The following GBP1 variants were observed in gnomAD, a reference collection of about 807,000 sequenced individuals.
The protein encoded by GBP1 is guanylate binding protein 1.
GBP1 carries 64 observed loss-of-function variants against 69.5 expected under a neutral mutation model. That is an observed-to-expected ratio of 0.92 (90% CI 0.75 to 1.13). The LOEUF is 1.13. Among genes scored for constraint, GBP1 ranks in the 50% most tolerant of loss-of-function variants. GBP1 has a pLI of 0.00. For synonymous variants in GBP1, 250 were observed against 261.2 expected, an observed-to-expected ratio of 0.96 and a Z score of 0.41; for missense variants, 630 against 704.1, an observed-to-expected ratio of 0.89 and a Z score of 1.19.
chr1:89,057,849 T>C (rs1450388155), intron 6 of GBP1, 143 bp downstream of exon 6: 6 of 957,346 alleles, frequency 6.3e-6, no homozygotes, highest in East Asian at 2.5e-5. Context: ...ACTAACAATA[T>C]ATGTTAGAAA....
Position 89,058,134 on chromosome 1 carries a change from G to T in GBP1, c.732C>A (p.Arg244=). 1 of 1,614,182 alleles carries T rather than the reference G, an allele frequency of 6.2e-7. No individual in the cohort carries two copies. Among genetic ancestry groups the T allele is most frequent in the Non-Finnish European group, 8.5e-7 (1 of 1,180,008 alleles). The part of the protein sequence containing the change: ...KCFVFDRPVH[R]RKLAQLEKLQ... The stretch of plus-strand genomic sequence containing the variant: ...GTTTCTCGAGCTGGGCAAGCTTCCT[G>T]CGGTGAACGGGCCGATCAAAGACAA... The change falls in exon 6 of 11, where the codon CGC becomes CGA. Residue 244 remains arginine, a synonymous_variant. Coordinates refer to ENST00000370473, the MANE Select transcript of GBP1 (RefSeq NM_002053.3).
At chr1:89,062,300 T>C (rs1170425886) in intron 2 of GBP1, among the ~76,000 whole-genome samples, 1 of 152,174 alleles carries the variant, frequency 6.6e-6, no homozygotes, top group Non-Finnish European at 1.5e-5. Context: ...AACAAATTAG[T>C]ATACACGTAC....
chr1:89,063,899 T>C (rs1484690535), intron 1 of GBP1, among the ~76,000 whole-genome samples: 1 of 152,118 alleles, frequency 6.6e-6, no homozygotes, highest in Non-Finnish European at 1.5e-5. Flanking sequence ...CTAAGGGTCA[T>C]GTCCAAGAGA....
At position 89,053,342 on chromosome 1, in the gene GBP1, A is replaced by C. The variant is rs375443619; in HGVS notation, c.*13T>G. 6.2e-7 allele frequency: 1 copy of C among 1,601,142 alleles called. No individual in the cohort carries two copies. Among genetic ancestry groups the C allele is most frequent in the South Asian group, 1.1e-5 (1 of 89,098 alleles). ...TTATGCCTTGGTTAGGGGTGACAGG[A>C]AGGCTCTGGTCTTTAGCTTATGGTA... On this transcript the variant is annotated 3_prime_UTR_variant, in exon 11 of 11. Transcript: ENST00000370473.
Position 89,054,975 on chromosome 1 carries a change from C to T in GBP1, c.1472-100G>A, listed in dbSNP as rs55880826. 404,315 of 1,441,746 alleles carry T rather than the reference C, an allele frequency of 0.28. 58,738 individuals carry two copies. Among genetic ancestry groups the T allele is most frequent in the Non-Finnish European group, 0.3 (308,412 of 1,043,336 alleles). The allele number at this position is 1,441,746 out of a possible 1,614,324, so 89.3% of individuals were successfully genotyped here. A position where few individuals can be genotyped will look rare whatever the true frequency, so the allele number is the denominator to read the frequency against. ...GTCGTTGTTGCTGACTGCATATGCC[C>T]TACTCAGAGATGACCTCGGCAAGTA... On this transcript the variant is annotated intron_variant, in intron 9 of 10. Coordinates refer to ENST00000370473, the MANE Select transcript of GBP1 (RefSeq NM_002053.3).
chr1:89,058,856 G>A lies in GBP1; in HGVS notation c.616C>T (p.Leu206=). 6.2e-7 allele frequency: 1 copy of A among 1,614,168 alleles called. No individual in the cohort carries two copies. The highest frequency in any genetic ancestry group is 8.5e-7 in the Non-Finnish European group (1 of 1,180,010). The part of the protein sequence containing the change: ...LTPDEYLTYS[L]KLKKGTSQKD... ...TCTCTGTTACCTTTCTTCAGCTTCA[G>A]GGAGTATGTCAGGTACTCATCTGGT... Residue 206 remains leucine (L), a synonymous_variant, in exon 5 of 11, where the codon CTG becomes TTG. Coordinates refer to ENST00000370473, the MANE Select transcript of GBP1 (RefSeq NM_002053.3).
In GBP1 at chr1:89,057,092, C is replaced by G; in HGVS notation, c.917G>C (p.Ser306Thr). 1 of 1,614,276 alleles carries G rather than the reference C, an allele frequency of 6.2e-7. No homozygotes were observed. The stretch of plus-strand genomic sequence containing the variant: ...GTTCTCCATGCACGGCAGATCCCCA[C>G]TGCTGATGGCATTGACGTAGGTCAG... ...LVLTYVNAISSGDLPCMENAV... is the reference protein window; with the variant it reads ...LVLTYVNAISTGDLPCMENAV... Residue 306 changes from serine (S) to threonine (T), a missense_variant, in exon 7 of 11, where the codon AGT becomes ACT. This residue lies in a region of GBP1 where 367 missense variants were observed against 369.5 expected (regional missense o/e 0.99). Coordinates refer to ENST00000370473, the MANE Select transcript of GBP1 (RefSeq NM_002053.3).
Position 89,056,040 on chromosome 1 carries a change from A to C in GBP1, c.1344T>G (p.Tyr448Ter). 1 of 1,613,954 alleles carries C rather than the reference A, an allele frequency of 6.2e-7. No individual in the cohort carries two copies. The highest frequency in any genetic ancestry group is 1.1e-5 in the South Asian group (1 of 91,072). Residue 448 changes from tyrosine (Y) to a stop codon, truncating the protein, a stop_gained, in exon 8 of 11, where the codon TAT (tyrosine) becomes TAG (stop). Transcript: ENST00000370473. LOFTEE classifies it high-confidence loss of function. ...CCTGTATCCCCTTCCTCGGTTCCTCATAGTACTTTTTCTTCAGGTCTTGTA... is the reference window on the plus strand; with the variant it reads ...CCTGTATCCCCTTCCTCGGTTCCTCCTAGTACTTTTTCTTCAGGTCTTGTA... ...QKLQDLKKKY[Y>*]EEPRKGIQAE... is the part of the protein sequence containing the mutation.
Position 89,054,714 on chromosome 1 carries a change from C to G in GBP1, c.1633G>C (p.Glu545Gln). The change falls in exon 10 of 11, where the codon GAG becomes CAG. Residue 545 changes from glutamate to glutamine, a missense_variant. Physicochemically the swap from Glu to Gln is conservative, Grantham distance 29. This residue lies in a region of GBP1 where 71 missense variants were observed against 72.7 expected (regional missense o/e 0.98). Transcript: ENST00000370473. ...TTAAGAGCGAGGGTCCTCTCTTGCT[C>G]TTTCAGCAACTGGACCCTGTCGTTC... ...MENDRVQLLK[E>Q]QERTLALKLQ... is the part of the protein sequence containing the mutation. The G allele has an allele frequency of 6.2e-7, 1 of 1,614,212 alleles. No homozygotes were observed. The highest frequency in any genetic ancestry group is 8.5e-7 in the Non-Finnish European group (1 of 1,180,022).
In GBP1 at chr1:89,052,457, A is replaced by T. The variant is rs1410767260; in HGVS notation, c.*898T>A. 6.6e-6 allele frequency: 1 copy of T among 152,208 alleles called. No individual in the cohort carries two copies. Among genetic ancestry groups the T allele is most frequent in the African/African-American group, 2.4e-5 (1 of 41,460 alleles). 9.4% of individuals were successfully genotyped at this position (152,208 alleles called of 1,614,324 possible). A position where few individuals can be genotyped will look rare whatever the true frequency, so the allele number is the denominator to read the frequency against. ...AAATGAGTCAAAAATGTCAAAAAAA[A>T]TCCCATATTCTCTTCTGGGGAAACT... is the stretch of plus-strand genomic sequence containing the variant. On this transcript the variant is annotated 3_prime_UTR_variant, in exon 11 of 11. Transcript: ENST00000370473.
At position 89,058,862 on chromosome 1, in the gene GBP1, A is replaced by C. The variant is rs768500764; in HGVS notation, c.610T>G (p.Tyr204Asp). ...TTACCTTTCTTCAGCTTCAGGGAGT[A>C]TGTCAGGTACTCATCTGGTGTGAGG... is the stretch of plus-strand genomic sequence containing the variant. ...QPLTPDEYLT[Y>D]SLKLKKGTSQ... Residue 204 changes from tyrosine (Y) to aspartate (D), a missense_variant, in exon 5 of 11, where the codon TAC becomes GAC. This residue lies in a region of GBP1 where 367 missense variants were observed against 369.5 expected (regional missense o/e 0.99). Transcript: ENST00000370473. 1 of 1,614,188 alleles carries C rather than the reference A, an allele frequency of 6.2e-7. No homozygotes were observed. Among genetic ancestry groups the C allele is most frequent in the East Asian group, 2.2e-5 (1 of 44,886 alleles).
rs140621329 is a variant in GBP1 at position 89,058,912 on chromosome 1, A to C, written c.560T>G (p.Leu187Arg). The change falls in exon 5 of 11, where the codon CTG (leucine) becomes CGG (arginine). Residue 187 changes from leucine (L) to arginine (R), a missense_variant. Physicochemically the swap from Leu to Arg is moderately radical, Grantham distance 102. This residue lies in a region of GBP1 where 367 missense variants were observed against 369.5 expected (regional missense o/e 0.99). Transcript: ENST00000370473. ...DFVWTLRDFSLDLEADGQPLT... is the reference protein window; with the variant it reads ...DFVWTLRDFSRDLEADGQPLT... ...GGGTTGTCCATCTGCTTCCAAGTCC[A>C]GGGAGAAATCTCTCAGTGTCCACAC... 3 of 1,614,214 alleles carry C rather than the reference A, an allele frequency of 1.9e-6. No homozygotes were observed.
intron 2 of GBP1, chr1:89,062,652 TACA>T (rs1036070659): frequency 1.2e-5 from 2 of 167,272 alleles, no homozygotes; most frequent in African/African-American, 2.4e-5. Context: ...TTATTTTTTT[TACA>T]ACAACAAAAA....
In GBP1 at chr1:89,058,148, G is replaced by A. The variant is rs780304600; in HGVS notation, c.718C>T (p.Arg240Trp). 24 of 1,613,868 alleles carry A rather than the reference G, an allele frequency of 1.5e-5. No individual in the cohort carries two copies. The highest frequency in any genetic ancestry group is 7.7e-5 in the South Asian group (7 of 91,074). Residue 240 changes from arginine (R) to tryptophan (W), a missense_variant, in exon 6 of 11, where the codon CGG becomes TGG. Arg to Trp is a moderately radical substitution (Grantham distance 101, BLOSUM62 -3). Transcript: ENST00000370473. ...GCAAGCTTCCTGCGGTGAACGGGCC[G>A]ATCAAAGACAAAGCATTTTTTCTTT... The part of the protein sequence containing the change: ...FPKKKCFVFD[R>W]PVHRRKLAQL...
At chr1:89,058,270 A>G (rs1250485934) in intron 5 of GBP1, 36 bp from the exon 6 acceptor site, 2 of 1,528,232 alleles carry the variant, frequency 1.3e-6, no homozygotes, top group African/African-American at 2.8e-5. Flanking sequence ...AAATTGCCTA[A>G]TATAAGTGTT....
chr1:89,055,140 G>T lies in GBP1; in HGVS notation c.1444C>A (p.Leu482Ile), dbSNP rs1202767669. 2 of 1,609,532 alleles carry T rather than the reference G, an allele frequency of 1.2e-6. No individual in the cohort carries two copies. Among genetic ancestry groups the T allele is most frequent in the African/African-American group, 2.7e-5 (2 of 74,494 alleles). Residue 482 changes from leucine (L) to isoleucine (I), a missense_variant, in exon 9 of 11, where the codon CTC becomes ATC. Around this residue, in one of 5 missense-constraint regions of GBP1, gnomAD observed 35 missense variants for 68.6 expected, o/e 0.51. Coordinates refer to ENST00000370473, the MANE Select transcript of GBP1 (RefSeq NM_002053.3). ...TDAILQTDQTLTEKEKEIEVE... is the reference protein window; with the variant it reads ...TDAILQTDQTITEKEKEIEVE... ...TCAATCTCCTTTTCTTTTTCTGTGA[G>T]AGTCTGGTCTGTCTGGAGAATTGCA... is the stretch of plus-strand genomic sequence containing the variant.
intron 6 of GBP1, 26 bp from the exon 7 acceptor site, chr1:89,057,160 G>A (rs746206431): frequency 1.9e-6 from 3 of 1,611,164 alleles, no homozygotes; most frequent in Non-Finnish European, 2.5e-6. Flanking sequence ...AAATGATAAT[G>A]TTTCTGGTGG....
chr1:89,057,132 G>T lies in GBP1; in HGVS notation c.877C>A (p.Leu293Ile), dbSNP rs1206767634. The T allele has an allele frequency of 1.9e-6, 3 of 1,614,054 alleles. No homozygotes were observed. In the Admixed American group the frequency reaches 5.0e-5, roughly 27 times the overall value. The part of the protein sequence containing the change: ...SGGIQVNGPR[L>I]ESLVLTYVNA... Reference sequence around the variant, plus strand: ...ACGTAGGTCAGCACCAGGCTCTCTAGACCTGCATATGAAGAACAAATGATA... The same window carrying T: ...ACGTAGGTCAGCACCAGGCTCTCTATACCTGCATATGAAGAACAAATGATA... The change falls in exon 7 of 11, where the codon CTA becomes ATA. Residue 293 changes from leucine (L) to isoleucine (I), a missense_variant and splice_region_variant. Leu to Ile is a conservative substitution (Grantham distance 5). Around this residue, in one of 5 missense-constraint regions of GBP1, gnomAD observed 367 missense variants for 369.5 expected, o/e 0.99. Transcript: ENST00000370473.
intron 4 of GBP1, 41 bp from the exon 5 acceptor site, chr1:89,059,084 A>T (rs769934985): frequency 6.2e-7 from 1 of 1,612,582 alleles, no homozygotes; most frequent in South Asian, 1.1e-5. Flanking sequence ...ATGAACAGGG[A>T]CCTCATCCCA....
Sources: gnomAD v4.1 joint callset for allele counts (sites outside exome capture counted in the v4.1 genomes callset) on GRCh38, gnomAD v4.1.1 for gene constraint, gnomAD v4.1.1 regional missense constraint, MANE v1.5 for transcripts, NCBI Gene and HGNC (gene_info 2026-07-23, HGNC 2026-07-21) for gene names.